PCDH9: variants seen among roughly 807,000 people sequenced by gnomAD.
PCDH9 encodes protocadherin 9, also known as protocadherin-9.
PCDH9 carries 24 observed loss-of-function variants against 70.6 expected under a neutral mutation model. The observed-to-expected ratio is 0.34, with a 90% CI of 0.25 to 0.48. PCDH9 has a LOEUF of 0.48. Ranked by LOEUF, PCDH9 falls within the 20% of genes least tolerant of loss-of-function variation. The pLI, the probability that PCDH9 is intolerant of heterozygous loss-of-function variation, is 0.99. For missense variants in PCDH9, 1,281 were observed against 1,503.6 expected (o/e 0.85, Z 2.45); for synonymous variants, 562 against 558.5 (o/e 1.01, Z -0.09).
intron 3 of PCDH9, among the ~76,000 whole-genome samples, chr13:66,816,890 T>C (rs1453205835): frequency 6.6e-6 from 1 of 151,426 alleles, no homozygotes; most frequent in Non-Finnish European, 1.5e-5. Context: ...GTGTTGATGG[T>C]ATTGCATGTT....
chr13:66,996,420 T>C (rs2084116973), intron 2 of PCDH9: 1 of 152,138 alleles, frequency 6.6e-6, no homozygotes, highest in Non-Finnish European at 1.5e-5. Context: ...TGAGTGATTA[T>C]AGTTTTAATT....
intron 3 of PCDH9, among the ~76,000 whole-genome samples, chr13:66,704,591 C>T (rs1479696053): frequency 1.3e-5 from 2 of 152,012 alleles, no homozygotes; most frequent in Non-Finnish European, 2.9e-5. Flanking sequence ...GGAAGATTTC[C>T]AATTCATTTA....
chr13:67,223,673 A>G (rs1486430136), intron 2 of PCDH9: 1 of 152,168 alleles, frequency 6.6e-6, no homozygotes, highest in African/African-American at 2.4e-5. Context: ...TTAAATTTTA[A>G]AACATCAACC....
intron 2 of PCDH9, among the ~76,000 whole-genome samples, chr13:67,042,587 C>G (rs1485823688): frequency 6.6e-6 from 1 of 152,116 alleles, no homozygotes; most frequent in African/African-American, 2.4e-5. Flanking sequence ...CTGAAATTTT[C>G]TTTTTTAACA....
At chr13:67,178,461 G>A (rs1173410892) in intron 2 of PCDH9, among the ~76,000 whole-genome samples, 1 of 152,056 alleles carries the variant, frequency 6.6e-6, no homozygotes, top group African/African-American at 2.4e-5. Flanking sequence ...ATTTGATTAT[G>A]TCAACTGTTT....
At position 66,696,918 on chromosome 13, in the gene PCDH9, T is replaced by C. The variant is rs377239029; in HGVS notation, c.3139-65507A>G. On this transcript the variant is annotated intron_variant, in intron 3 of 4. Transcript: ENST00000377865. ...GAGTTCAAGACCAGCCTGGGCAACA[T>C]AGTGAGACCTCCATCTCTACTGTAT... 4.7e-5 allele frequency among the ~76,000 whole-genome samples: 7 copies of C among 150,534 alleles called. No individual in the cohort carries two copies. In the East Asian group the frequency reaches 1.2e-3, roughly 26 times the overall value.
At chr13:66,563,126 T>C (rs1269835283) in intron 4 of PCDH9, among the ~76,000 whole-genome samples, 1 of 152,118 alleles carries the variant, frequency 6.6e-6, no homozygotes, top group East Asian at 1.9e-4. Context: ...CTTGACTTTG[T>C]TGTGTTGTAT....
rs945705320 is a variant in PCDH9 at position 67,098,626 on chromosome 13, C to G, written c.3036+126779G>C. Among the ~76,000 whole-genome samples the G allele has an allele frequency of 4.1e-4, 62 of 151,800 alleles. 1 individual carries two copies. The highest frequency in any genetic ancestry group is 1.0e-4 in the Non-Finnish European group (7 of 67,932). ...AATGAAATGGAGAAAATTTTTATTC[C>G]CACAATCTGTTCTTCCTTGATGAAG... is the stretch of plus-strand genomic sequence containing the variant. On this transcript the variant is annotated intron_variant, in intron 2 of 4. Transcript: ENST00000377865.
rs561599416 is a variant in PCDH9 at position 66,871,824 on chromosome 13, T to C, written c.3138+31680A>G. On this transcript the variant is annotated intron_variant, in intron 3 of 4. Coordinates refer to ENST00000377865, the MANE Select transcript of PCDH9 (RefSeq NM_203487.3). ...TCAATGTATTTTCTAGCCTATTTCA[T>C]TACCACCCCCCCCTCAACATTTCTT... Among the ~76,000 whole-genome samples, 5 of 152,134 alleles carry C rather than the reference T, an allele frequency of 3.3e-5. No individual in the cohort carries two copies. The South Asian group carries it at 1.0e-3, about 32-fold the overall frequency.
chr13:66,819,801 T>A (rs566954465), intron 3 of PCDH9, among the ~76,000 whole-genome samples: 1 of 152,092 alleles, frequency 6.6e-6, no homozygotes, highest in East Asian at 1.9e-4. Context: ...GAGGCTGAGG[T>A]GGGAGGATGA....
Position 66,401,313 on chromosome 13 carries a change from TAGTG to T in PCDH9, c.3341-96289_3341-96286del, listed in dbSNP as rs546272211. On this transcript the variant is annotated intron_variant, in intron 4 of 4. Transcript: ENST00000377865. ...TCCCCCCATGCTGTTCTTCTCGTGA[TAGTG>T]AGTGAGTTATCATGGGATCTGATGG... is the stretch of plus-strand genomic sequence containing the variant. Among the ~76,000 whole-genome samples, 52 of 151,942 alleles carry T rather than the reference TAGTG, an allele frequency of 3.4e-4. No individual in the cohort carries two copies. The South Asian group carries it at 0.01, about 30-fold the overall frequency.
intron 2 of PCDH9, among the ~76,000 whole-genome samples, chr13:67,110,203 T>A (rs190445886): frequency 0.13 from 18,325 of 146,320 alleles, 1,160 homozygotes; most frequent in African/African-American, 0.15. Context: ...ACAGAAAATT[T>A]AAAAAAAAAA....
At chr13:67,124,805 A>G (rs2086944540) in intron 2 of PCDH9, among the ~76,000 whole-genome samples, 1 of 152,176 alleles carries the variant, frequency 6.6e-6, no homozygotes, top group Non-Finnish European at 1.5e-5. Context: ...GAAATATACA[A>G]TGAATCAGGA....
intron 2 of PCDH9, among the ~76,000 whole-genome samples, chr13:67,134,896 G>T (rs982825280): frequency 6.6e-6 from 1 of 152,036 alleles, no homozygotes; most frequent in Admixed American, 6.6e-5. Context: ...ATAAAGTCAC[G>T]CTGTGTTGGT....
chr13:66,417,363 T>C (rs1287437349), intron 4 of PCDH9, among the ~76,000 whole-genome samples: 1 of 152,206 alleles, frequency 6.6e-6, no homozygotes, highest in Non-Finnish European at 1.5e-5. Flanking sequence ...GAACTCATTC[T>C]TTTTTATGGC....
chr13:66,551,212 G>T (rs1189571716), intron 4 of PCDH9, among the ~76,000 whole-genome samples: 1 of 152,104 alleles, frequency 6.6e-6, no homozygotes, highest in African/African-American at 2.4e-5. Flanking sequence ...TTGGAACTCA[G>T]ATCCCCAAGG....
chr13:66,392,887 C>CTTT (rs57735819), intron 4 of PCDH9, among the ~76,000 whole-genome samples: 1 of 130,582 alleles, frequency 7.7e-6, no homozygotes, highest in Non-Finnish European at 1.7e-5. Flanking sequence ...TGGGCATTTG[C>CTTT]TTTTTTTTTT....
chr13:66,853,642 G>A (rs959611485), intron 3 of PCDH9, among the ~76,000 whole-genome samples: 3 of 152,188 alleles, frequency 2.0e-5, no homozygotes, highest in African/African-American at 7.2e-5. Context: ...TGGGCTTAGA[G>A]GGGCTGGTTT....
chr13:67,070,299 C>T (rs1263429662), intron 2 of PCDH9, among the ~76,000 whole-genome samples: 1 of 151,816 alleles, frequency 6.6e-6, no homozygotes, highest in Non-Finnish European at 1.5e-5. Context: ...AGCATAACTA[C>T]TGTAAAGAAA....
Sources: allele counts gnomAD v4.1 joint callset (sites outside exome capture counted in the v4.1 genomes callset), GRCh38; gene constraint gnomAD v4.1.1; transcripts MANE v1.5; gene names NCBI Gene and HGNC (gene_info 2026-07-23, HGNC 2026-07-21).